The following ZNF718 variants were observed in gnomAD, a reference collection of about 807,000 sequenced individuals.
ZNF718 encodes the protein zinc finger protein 718.
In ZNF718, 3 loss-of-function variants were observed where a neutral mutation model predicts 2.6. The observed-to-expected ratio is 1.16, with a 90% CI of 0.53 to 3.01. The LOEUF (loss-of-function observed/expected upper bound fraction) is 3.01. Ranked by LOEUF, ZNF718 falls within the 30% of genes most tolerant of loss-of-function variation. The pLI, the probability that ZNF718 is intolerant of heterozygous loss-of-function variation, is 0.03. For synonymous variants in ZNF718, 135 were observed against 77.9 expected (o/e 1.73, Z -3.86); for missense variants, 468 against 230.0 (o/e 2.03, Z -6.69).
chr4:191,769 G>A (rs1321024298), intron 3 of ZNF718, among the ~76,000 whole-genome samples: 1 of 152,112 alleles, frequency 6.6e-6, no homozygotes, highest in African/African-American at 2.4e-5. Flanking sequence ...CAGCGTTACG[G>A]GTGGGTCTTT....
chr4:161,480 C>G lies in ZNF718; in HGVS notation c.795C>G (p.Asn265Lys). 1 of 774,314 alleles carries G rather than the reference C, an allele frequency of 1.3e-6. No homozygotes were observed. Among genetic ancestry groups the G allele is most frequent in the Non-Finnish European group, 2.4e-6 (1 of 413,836 alleles). 48.0% of individuals were successfully genotyped at this position (774,314 alleles called of 1,614,324 possible). The change falls in exon 4 of 4, where the codon AAC (asparagine) becomes AAG (lysine). Residue 265 changes from asparagine (N) to lysine (K), a missense_variant. Coordinates refer to ENST00000510175, the MANE Select transcript of ZNF718 (RefSeq NM_001039127.6). ...GTGAAAAATGTGGTAAAGCTTTTAACCAATCCTCAACCCTTAATTTACATA... is the reference window on the plus strand; with the variant it reads ...GTGAAAAATGTGGTAAAGCTTTTAAGCAATCCTCAACCCTTAATTTACATA... ...YICEKCGKAFNQSSTLNLHKR... is the reference protein window; with the variant it reads ...YICEKCGKAFKQSSTLNLHKR...
chr4:177,450 A>G (rs1581477092), intron 3 of ZNF718, among the ~76,000 whole-genome samples: 2 of 152,300 alleles, frequency 1.3e-5, no homozygotes, highest in East Asian at 3.9e-4. Context: ...CTTCAGAAAC[A>G]TGCCACTTAG....
intron 3 of ZNF718, among the ~76,000 whole-genome samples, chr4:171,102 G>T (rs182816000): frequency 6.6e-6 from 1 of 152,302 alleles, no homozygotes; most frequent in East Asian, 1.9e-4. Context: ...GGAGTTTGCT[G>T]GAGGTCCACT....
chr4:128,981 T>C (rs1443032004), intron 1 of ZNF718, among the ~76,000 whole-genome samples: 1 of 104,922 alleles, frequency 9.5e-6, no homozygotes. Flanking sequence ...GAATAAATGA[T>C]TGAATTCAGC....
At chr4:174,982 A>G (rs1033094645) in intron 3 of ZNF718, among the ~76,000 whole-genome samples, 1 of 152,218 alleles carries the variant, frequency 6.6e-6, no homozygotes, top group Admixed American at 6.5e-5. Context: ...CCTCTTTACC[A>G]TGGCTAGAAC....
At chr4:137,614 A>G (rs1263880356) in intron 3 of ZNF718, among the ~76,000 whole-genome samples, 1 of 152,154 alleles carries the variant, frequency 6.6e-6, no homozygotes. Context: ...AATTTTTTCA[A>G]TAATTGTTTG....
At chr4:143,399 G>C (rs530220927) in intron 3 of ZNF718, among the ~76,000 whole-genome samples, 1 of 152,248 alleles carries the variant, frequency 6.6e-6, no homozygotes, top group Admixed American at 6.5e-5. Context: ...TTTTGTCCAG[G>C]CTGATCTTGA....
At chr4:144,452 C>G (rs1488728275) in intron 3 of ZNF718, among the ~76,000 whole-genome samples, 1 of 152,114 alleles carries the variant, frequency 6.6e-6, no homozygotes, top group Non-Finnish European at 1.5e-5. Flanking sequence ...TATGATTCCT[C>G]CAGTTTCTTT....
chr4:168,934 A>G (rs1300146398), downstream of ZNF718, among the ~76,000 whole-genome samples: 1 of 151,922 alleles, frequency 6.6e-6, no homozygotes, highest in Non-Finnish European at 1.5e-5. Flanking sequence ...AGTTCTTTTA[A>G]TTGTGATGTT....
At chr4:182,595 G>A (rs1717490720) in intron 3 of ZNF718, among the ~76,000 whole-genome samples, 1 of 151,830 alleles carries the variant, frequency 6.6e-6, no homozygotes, top group African/African-American at 2.4e-5. Context: ...AACATGCCTG[G>A]CTAATTTTTT....
intron 3 of ZNF718, among the ~76,000 whole-genome samples, chr4:192,818 G>A (rs563782342): frequency 1.3e-5 from 2 of 152,282 alleles, no homozygotes; most frequent in Non-Finnish European, 2.9e-5. Flanking sequence ...ACTTAACAAG[G>A]GGGTTAAAGA....
rs781797717 is a variant in ZNF718 at position 161,119 on chromosome 4, C to G, written c.434C>G (p.Ser145Cys). The change falls in exon 4 of 4, where the codon TCT (serine) becomes TGT (cysteine). Residue 145 changes from serine to cysteine, a missense_variant. By Grantham distance (112) the Ser-to-Cys change is moderately radical. Coordinates refer to ENST00000510175, the MANE Select transcript of ZNF718 (RefSeq NM_001039127.6). ...LLTTQKKTIQ[S>C]NICVKVFHKF... is the part of the protein sequence containing the mutation. ...ACTACCCAGAAAAAAACAATTCAAT[C>G]TAATATATGTGTCAAAGTTTTTCAT... is the stretch of plus-strand genomic sequence containing the variant. 5 of 761,410 alleles carry G rather than the reference C, an allele frequency of 6.6e-6. No homozygotes were observed. Among genetic ancestry groups the G allele is most frequent in the South Asian group, 5.5e-5 (4 of 72,774 alleles). 47.2% of individuals were successfully genotyped at this position (761,410 alleles called of 1,614,324 possible).
chr4:136,338 T>C (rs1715570719), intron 3 of ZNF718: 2 of 519,124 alleles, frequency 3.9e-6, no homozygotes, highest in Admixed American at 1.9e-5. Context: ...TCAGGGAACA[T>C]AGCTGAGGCC....
intron 3 of ZNF718, among the ~76,000 whole-genome samples, chr4:183,514 T>C (rs1162090538): frequency 2.0e-5 from 3 of 152,228 alleles, no homozygotes; most frequent in Non-Finnish European, 2.9e-5. Context: ...AATTTTAAAA[T>C]AGTTTTTTTC....
chr4:158,802 G>A (rs549373603), intron 3 of ZNF718, among the ~76,000 whole-genome samples: 75 of 150,820 alleles, frequency 5.0e-4, no homozygotes, highest in African/African-American at 1.6e-3. Flanking sequence ...TTTTGTATGT[G>A]CATATCTTTC....
intron 3 of ZNF718, among the ~76,000 whole-genome samples, chr4:188,052 TG>T (rs1246324679): frequency 4.0e-4 from 61 of 152,324 alleles, no homozygotes; most frequent in African/African-American, 1.5e-3. Context: ...CATTCCATGC[TG>T]GGGAACCACC....
At chr4:168,310 T>TC (rs1352904764), downstream of ZNF718, among the ~76,000 whole-genome samples, 3 of 152,210 alleles carry the variant, frequency 2.0e-5, no homozygotes, top group African/African-American at 7.2e-5. Context: ...TCTAAAATTC[T>TC]CTTTTTTTGT....
At position 162,954 on chromosome 4, in the gene ZNF718, A is replaced by G. The variant is rs934898319; in HGVS notation, c.*832A>G. 6.6e-6 allele frequency: 1 copy of G among 152,210 alleles called. No homozygotes were observed. Among genetic ancestry groups the G allele is most frequent in the Non-Finnish European group, 1.5e-5 (1 of 68,040 alleles). 9.4% of individuals were successfully genotyped at this position (152,210 alleles called of 1,614,324 possible). On this transcript the variant is annotated 3_prime_UTR_variant, in exon 4 of 4. Transcript: ENST00000510175. ...AGTGTAAAGTATAAAAAAATTCCAA[A>G]GCTGAAACTGTTAGATAATTTCTTT...
At position 135,309 on chromosome 4, in the gene ZNF718, T is replaced by A. The variant is rs138779796; in HGVS notation, c.226+3804T>A. 9.7e-3 allele frequency among the ~76,000 whole-genome samples: 1,469 copies of A among 151,148 alleles called. 12 individuals are homozygous for A. The highest frequency in any genetic ancestry group is 0.015 in the Non-Finnish European group (1,022 of 67,872). Reference sequence around the variant, plus strand: ...GTGCCCCTGACACAGCCTTAGGAAGTCTTGATGACGTGTGCCCAAGGTGGT... The same window carrying A: ...GTGCCCCTGACACAGCCTTAGGAAGACTTGATGACGTGTGCCCAAGGTGGT... On this transcript the variant is annotated intron_variant, in intron 3 of 3. Transcript: ENST00000510175.
Sources: gnomAD v4.1 joint callset for allele counts (sites outside exome capture counted in the v4.1 genomes callset) on GRCh38, gnomAD v4.1.1 for gene constraint, MANE v1.5 for transcripts, NCBI Gene and HGNC (gene_info 2026-07-23, HGNC 2026-07-21) for gene names.